SMARCA4: variants seen among roughly 807,000 people sequenced by gnomAD.
The protein encoded by SMARCA4 is SWI/SNF-related matrix-associated actin-dependent regulator of chromatin subfamily A member 4.
Under a neutral mutation model 193.9 loss-of-function variants are expected in SMARCA4, and 31 were observed. The observed-to-expected ratio is 0.16, with a 90% CI of 0.12 to 0.22. The LOEUF (loss-of-function observed/expected upper bound fraction) is 0.22. Ranked by LOEUF, SMARCA4 falls within the 10% of genes least tolerant of loss-of-function variation. SMARCA4 has a pLI of 1.00. For synonymous variants in SMARCA4, 942 were observed against 933.1 expected, an observed-to-expected ratio of 1.01 and a Z score of -0.17; for missense variants, 1,148 against 2,296.0, an observed-to-expected ratio of 0.50 and a Z score of 10.22.
chr19:10,971,955 A>ATTTTTT (rs539620346), intron 1 of SMARCA4, among the ~76,000 whole-genome samples: 7 of 125,188 alleles, frequency 5.6e-5, no homozygotes, highest in African/African-American at 2.1e-4. Flanking sequence ...CGCTTGGCTA[A>ATTTTTT]TTTTTTTTTT....
chr19:11,011,064 A>ACCACCG, intron 15 of SMARCA4: 1 of 216,236 alleles, frequency 4.6e-6, no homozygotes, highest in Non-Finnish European at 9.5e-6. Flanking sequence ...GGTGGCTCTG[A>ACCACCG]AGCTCTTCAC....
chr19:11,061,611 C>T (rs1017825739), intron 34 of SMARCA4, 173 bp from the exon 35 acceptor site: 23 of 689,574 alleles, frequency 3.3e-5, no homozygotes, highest in Non-Finnish European at 5.0e-5. Context: ...CTCCTGACCT[C>T]GTGATCCGCC....
In SMARCA4 at chr19:10,986,958, A is replaced by T. The variant is rs1432832082; in HGVS notation, c.814A>T (p.Met272Leu). The change falls in exon 5 of 35, where the codon ATG becomes TTG. Residue 272 changes from methionine (M) to leucine (L), a missense_variant. Physicochemically the swap from Met to Leu is conservative, Grantham distance 15. This residue lies in a region of SMARCA4 where 257 missense variants were observed against 276.5 expected (regional missense o/e 0.93). Transcript: ENST00000344626. This position sits in a 1 kb window ranked among gnomAD's most constrained non-coding sequence, Gnocchi z 6.7. ...PPGPSGVPPG[M>L]PGQPPGGPPK... is the part of the protein sequence containing the mutation. ...AGGACCCTCGGGCGTGCCCCCCGGGATGCCAGGCCAGCCTCCTGGAGGGCC... is the reference window on the plus strand; with the variant it reads ...AGGACCCTCGGGCGTGCCCCCCGGGTTGCCAGGCCAGCCTCCTGGAGGGCC... 6.2e-7 allele frequency: 1 copy of T among 1,610,182 alleles called. No individual in the cohort carries two copies. Among genetic ancestry groups the T allele is most frequent in the Non-Finnish European group, 8.5e-7 (1 of 1,179,926 alleles).
chr19:10,993,690 C>T (rs11669813), intron 8 of SMARCA4, among the ~76,000 whole-genome samples: 4 of 151,634 alleles, frequency 2.6e-5, no homozygotes, highest in South Asian at 2.1e-4. Flanking sequence ...CTGTCGCCCA[C>T]GCTGGAGTGC....
At chr19:11,039,528 T>C in intron 29 of SMARCA4, 2 of 1,602,680 alleles carry the variant, frequency 1.2e-6, no homozygotes, top group Non-Finnish European at 1.7e-6. Flanking sequence ...CAGCGTGGCC[T>C]TCAGTTCTGC....
Position 11,044,499 on chromosome 19 carries a change from A to G in SMARCA4, c.4424+2939A>G, listed in dbSNP as rs150388929. 2.2e-3 allele frequency among the ~76,000 whole-genome samples: 342 copies of G among 152,328 alleles called. 2 individuals carry two copies. The highest frequency in any genetic ancestry group is 8.0e-3 in the African/African-American group (331 of 41,572). ...GGGAACAGACGCCTCCTTACACAGG[A>G]CATCCCAGGACTAATCAATGTGGGG... is the stretch of plus-strand genomic sequence containing the variant. On this transcript the variant is annotated intron_variant, in intron 30 of 34. Transcript: ENST00000344626.
chr19:11,007,298 C>T lies in SMARCA4; in HGVS notation c.2002-604C>T, dbSNP rs149860567. On this transcript the variant is annotated intron_variant, in intron 13 of 34. Coordinates refer to ENST00000344626, the MANE Select transcript of SMARCA4 (RefSeq NM_003072.5). ...TACAAAAATTAGCCAGGCATGGTGG[C>T]GCATGCCTGTAATCCCAGCTACTTG... Among the ~76,000 whole-genome samples, 115 of 152,070 alleles carry T rather than the reference C, an allele frequency of 7.6e-4. 1 individual carries two copies. The South Asian group carries it at 9.4e-3, about 12-fold the overall frequency.
chr19:10,990,516 G>A (rs1377118865), intron 7 of SMARCA4, among the ~76,000 whole-genome samples: 1 of 152,098 alleles, frequency 6.6e-6, no homozygotes, highest in Admixed American at 6.6e-5. Context: ...GACCTCAGGT[G>A]ATCCTCCTGC....
At chr19:11,028,379 T>C (rs1290295277) in intron 24 of SMARCA4, among the ~76,000 whole-genome samples, 1 of 152,244 alleles carries the variant, frequency 6.6e-6, no homozygotes, top group Non-Finnish European at 1.5e-5. Flanking sequence ...CTCTTTGCTC[T>C]GCCTTCTTCC....
rs2147090848 is a variant in SMARCA4, at chr19:11,058,410, T to A, written c.4533+47T>A. Reference sequence around the variant, plus strand: ...CGCCCCGCATGTGCCCGGAGGGGAGTCTGACCCAGGGGCACCCCCATCTGA... The same window carrying A: ...CGCCCCGCATGTGCCCGGAGGGGAGACTGACCCAGGGGCACCCCCATCTGA... On this transcript the variant is annotated intron_variant, in intron 31 of 34. Coordinates refer to ENST00000344626, the MANE Select transcript of SMARCA4 (RefSeq NM_003072.5). This position sits in a 1 kb window ranked among gnomAD's most constrained non-coding sequence, Gnocchi z 5.8. 7.5e-7 allele frequency: 1 copy of A among 1,340,868 alleles called. No homozygotes were observed. The highest frequency in any genetic ancestry group is 1.1e-6 in the Non-Finnish European group (1 of 936,030). The allele number at this position is 1,340,868 out of a possible 1,614,324, so 83.1% of individuals were successfully genotyped here. A position where few individuals can be genotyped will look rare whatever the true frequency, so the allele number is the denominator to read the frequency against.
chr19:11,000,740 G>T (rs774325846), intron 11 of SMARCA4, among the ~76,000 whole-genome samples: 2 of 151,924 alleles, frequency 1.3e-5, no homozygotes, highest in Non-Finnish European at 2.9e-5. Context: ...TTAGCCAGGC[G>T]TGGTGGCAGG....
intron 13 of SMARCA4, among the ~76,000 whole-genome samples, chr19:11,007,513 A>G (rs1157911846): frequency 1.3e-5 from 2 of 148,720 alleles, no homozygotes; most frequent in Admixed American, 1.3e-4. Flanking sequence ...CTGAGGCGAG[A>G]GGATTGCTTG....
At chr19:11,043,155 G>A (rs942948431) in intron 30 of SMARCA4, among the ~76,000 whole-genome samples, 3 of 152,126 alleles carry the variant, frequency 2.0e-5, no homozygotes, top group Non-Finnish European at 2.9e-5. Context: ...GCCGAGCGTA[G>A]TGGTGCATGC....
chr19:11,031,247 A>G lies in SMARCA4; in HGVS notation c.3546+354A>G, dbSNP rs1015909926. 2 of 364,132 alleles carry G rather than the reference A, an allele frequency of 5.5e-6. No homozygotes were observed. Among genetic ancestry groups the G allele is most frequent in the Non-Finnish European group, 1.1e-5 (2 of 188,678 alleles). 22.6% of individuals were successfully genotyped at this position (364,132 alleles called of 1,614,324 possible). A position where few individuals can be genotyped will look rare whatever the true frequency, so the allele number is the denominator to read the frequency against. ...CCCCTGCAGTGTGCCCTGTGAGCAC[A>G]CACACTGGCGCTTGTTCAGACACAA... On this transcript the variant is annotated intron_variant, in intron 25 of 34. Coordinates refer to ENST00000344626, the MANE Select transcript of SMARCA4 (RefSeq NM_003072.5). The surrounding 1 kb of genome is among the most constrained non-coding windows in gnomAD (Gnocchi z 4.3).
In SMARCA4 at chr19:11,034,648, GCC is replaced by G. The variant is rs2075151987; in HGVS notation, c.3952-261_3952-260del. On this transcript the variant is annotated intron_variant, in intron 28 of 34. Coordinates refer to ENST00000344626, the MANE Select transcript of SMARCA4 (RefSeq NM_003072.5). This position sits in a 1 kb window ranked among gnomAD's most constrained non-coding sequence, Gnocchi z 7.0. ...ACCAACGCTGGGCCACGCAGCTGCTGCCCCCCTGCTGGGGTCTGCAGCCCTCT... is the reference window on the plus strand; with the variant it reads ...ACCAACGCTGGGCCACGCAGCTGCTGCCCCTGCTGGGGTCTGCAGCCCTCT... 6.6e-6 allele frequency among the ~76,000 whole-genome samples: 1 copy of G among 152,166 alleles called. No individual in the cohort carries two copies. Among genetic ancestry groups the G allele is most frequent in the Non-Finnish European group, 1.5e-5 (1 of 68,020 alleles).
rs749057238 is a variant in SMARCA4, at chr19:11,058,224, G to A, written c.4425-31G>A. On this transcript the variant is annotated intron_variant, in intron 30 of 34. Coordinates refer to ENST00000344626, the MANE Select transcript of SMARCA4 (RefSeq NM_003072.5). The surrounding 1 kb of genome is among the most constrained non-coding windows in gnomAD (Gnocchi z 5.8). ...TGGGGGCTCCCGGGTGGGCGGACTC[G>A]GGGGTGATAGCCGCCGGTTCTGCCT... The A allele has an allele frequency of 4.4e-4, 667 of 1,516,742 alleles. 3 individuals carry two copies. Among genetic ancestry groups the A allele is most frequent in the Admixed American group, 5.3e-4 (32 of 59,882 alleles). The allele number at this position is 1,516,742 out of a possible 1,614,324, so 94.0% of individuals were successfully genotyped here.
At position 11,041,603 on chromosome 19, in the gene SMARCA4, G is replaced by T; in HGVS notation, c.4424+43G>T. On this transcript the variant is annotated intron_variant, in intron 30 of 34. Transcript: ENST00000344626. This position sits in a 1 kb window ranked among gnomAD's most constrained non-coding sequence, Gnocchi z 5.6. ...GAGGGCGGGGGCTGTAGGGGTCCCC[G>T]TGGGAGCAGGCCTGGCATCTGCACT... 1 of 1,586,006 alleles carries T rather than the reference G, an allele frequency of 6.3e-7. No homozygotes were observed. The highest frequency in any genetic ancestry group is 8.6e-7 in the Non-Finnish European group (1 of 1,160,938).
In SMARCA4 at chr19:11,019,735, G is replaced by GGCCGAGTGCTCACACGTGGGTCACGCT; in HGVS notation, c.2616+38_2616+64dup. 1 of 1,477,028 alleles carries GGCCGAGTGCTCACACGTGGGTCACGCT rather than the reference G, an allele frequency of 6.8e-7. No individual in the cohort carries two copies. 91.5% of individuals were successfully genotyped at this position (1,477,028 alleles called of 1,614,324 possible). ...TCCCTGTGGGAAATGCCAGGCCATG[G>GGCCGAGTGCTCACACGTGGGTCACGCT]GCCGAGTGCTCACACGTGGGTCACG... On this transcript the variant is annotated intron_variant, in intron 18 of 34. Transcript: ENST00000344626. The surrounding 1 kb of genome is among the most constrained non-coding windows in gnomAD (Gnocchi z 6.1).
At chr19:10,962,329 C>T (rs2083876927) in intron 1 of SMARCA4, among the ~76,000 whole-genome samples, 2 of 149,774 alleles carry the variant, frequency 1.3e-5, no homozygotes, top group Admixed American at 1.5e-4. Context: ...TGAGGCCCTA[C>T]TAAGTGTTGG....
Sources: allele counts gnomAD v4.1 joint callset (sites outside exome capture counted in the v4.1 genomes callset), GRCh38; gene constraint gnomAD v4.1.1; regional missense constraint gnomAD v4.1.1; non-coding constraint Gnocchi (gnomAD v3.1); transcripts MANE v1.5; gene names NCBI Gene and HGNC (gene_info 2026-07-23, HGNC 2026-07-21).